ZNF683: variants seen among roughly 807,000 people sequenced by gnomAD.
ZNF683 encodes tissue-resident T-cell transcription regulator protein ZNF683.
Under a neutral mutation model 31.4 loss-of-function variants are expected in ZNF683, and 20 were observed. The ratio of observed to expected loss-of-function variants is 0.64; its 90% CI spans 0.45 to 0.93. The LOEUF (loss-of-function observed/expected upper bound fraction) is 0.93. Among genes scored for constraint, ZNF683 ranks in the 40% least tolerant of loss-of-function variants. ZNF683 has a pLI of 0.00. For synonymous variants in ZNF683, 264 were observed against 267.6 expected (o/e 0.99, Z 0.13); for missense variants, 621 against 637.2 (o/e 0.97, Z 0.27).
At chr1:26,366,889 C>T (rs973977719) in intron 3 of ZNF683, among the ~76,000 whole-genome samples, 4 of 152,204 alleles carry the variant, frequency 2.6e-5, no homozygotes, top group Non-Finnish European at 4.4e-5. Context: ...ATCTCCTGAC[C>T]TCGTGATGTG....
intron 2 of ZNF683, among the ~76,000 whole-genome samples, 156 bp from the exon 3 acceptor site, chr1:26,367,953 T>C (rs572505844): frequency 1.3e-5 from 2 of 152,122 alleles, no homozygotes; most frequent in Admixed American, 1.3e-4. Context: ...TCTTCCCTCA[T>C]CCAAAGATCT....
At chr1:26,367,944 C>T (rs1040934806) in intron 2 of ZNF683, 147 bp from the exon 3 acceptor site, 2 of 636,314 alleles carry the variant, frequency 3.1e-6, no homozygotes, top group Non-Finnish European at 5.2e-6. Flanking sequence ...AATGGCATCT[C>T]TTCCCTCATC....
intron 1 of ZNF683, 49 bp from the exon 2 acceptor site, chr1:26,368,634 G>A: frequency 6.6e-7 from 1 of 1,521,366 alleles, no homozygotes; most frequent in Non-Finnish European, 8.8e-7. Context: ...CTCCAAATAG[G>A]AGTCTGAGTT....
intron 1 of ZNF683, chr1:26,370,621 C>G: frequency 3.0e-6 from 3 of 983,760 alleles, no homozygotes; most frequent in Non-Finnish European, 3.6e-6. Flanking sequence ...CTTCAGGTCT[C>G]AAAGCAAATA....
At position 26,362,295 on chromosome 1, in the gene ZNF683, C is replaced by T. The variant is rs868184267; in HGVS notation, c.1144-273G>A. The T allele has an allele frequency of 5.1e-6, 5 of 975,842 alleles. No homozygotes were observed. The Middle Eastern group carries it at 1.1e-3, about 212-fold the overall frequency. The allele number at this position is 975,842 out of a possible 1,614,324, so 60.4% of individuals were successfully genotyped here. ...TCATTGGTAACATTGGTTATTAATA[C>T]CTAGCTTCATAGATATGGTGGACTG... is the stretch of plus-strand genomic sequence containing the variant. On this transcript the variant is annotated intron_variant, in intron 5 of 5. Coordinates refer to ENST00000349618, the MANE Select transcript of ZNF683 (RefSeq NM_001114759.3).
At chr1:26,369,342 T>C (rs1030704069) in intron 1 of ZNF683, among the ~76,000 whole-genome samples, 1 of 152,144 alleles carries the variant, frequency 6.6e-6, no homozygotes, top group Non-Finnish European at 1.5e-5. Flanking sequence ...CTGGCTAACA[T>C]GGTGAAACCC....
In ZNF683 at chr1:26,361,996, G is replaced by A; in HGVS notation, c.1170C>T (p.Ser390=). ...GGCGCAGGTGGGTCTTGAGGTTACT[G>A]GAGCTGCTGAAGCGCTTGTGGCACA... ...CSVCHKRFSS[S]SNLKTHLRLH... Residue 390 remains serine, a synonymous_variant, in exon 6 of 6, where the codon TCC becomes TCT. Transcript: ENST00000349618. 1 of 1,613,828 alleles carries A rather than the reference G, an allele frequency of 6.2e-7. No homozygotes were observed. Among genetic ancestry groups the A allele is most frequent in the Non-Finnish European group, 8.5e-7 (1 of 1,179,736 alleles).
intron 3 of ZNF683, among the ~76,000 whole-genome samples, chr1:26,366,123 T>G (rs1265310430): frequency 6.6e-6 from 1 of 151,448 alleles, no homozygotes; most frequent in Non-Finnish European, 1.5e-5. Flanking sequence ...GAGATTGCGG[T>G]GAGCCGAGAT....
Position 26,363,055 on chromosome 1 carries a change from G to GGTGCTT in ZNF683, c.1113_1114insAAGCAC (p.Val371_His372insLysHis). The GGTGCTT allele has an allele frequency of 6.2e-7, 1 of 1,612,216 alleles. No individual in the cohort carries two copies. The highest frequency in any genetic ancestry group is 1.7e-5 in the Admixed American group (1 of 59,740). ...CACTTGTGGGGCCGCTCCCCAGTGT[G>GGTGCTT]CACCAGGTGGTGCTTCTGCAGGTGG... On this transcript the variant is annotated inframe_insertion, in exon 5 of 6. Transcript: ENST00000349618.
At chr1:26,370,822 C>T in intron 1 of ZNF683, 1 of 727,080 alleles carries the variant, frequency 1.4e-6, no homozygotes. Flanking sequence ...GGCAGGCAGG[C>T]TTGGGGGCCC....
upstream of ZNF683, chr1:26,374,254 C>T (rs1278775833): frequency 1.5e-6 from 2 of 1,303,750 alleles, no homozygotes; most frequent in South Asian, 1.2e-5. Context: ...AGTTTCCTCC[C>T]CTCCAAGGCA....
At chr1:26,367,016 G>T (rs1369534352) in intron 3 of ZNF683, among the ~76,000 whole-genome samples, 1 of 152,180 alleles carries the variant, frequency 6.6e-6, no homozygotes, top group Non-Finnish European at 1.5e-5. Context: ...TATAATTCCA[G>T]CACTTTGGGT....
At chr1:26,368,709 C>A in intron 1 of ZNF683, 124 bp from the exon 2 acceptor site, 1 of 1,161,792 alleles carries the variant, frequency 8.6e-7, no homozygotes. Context: ...TTCCTGGACT[C>A]AGTTTCCCTA....
At chr1:26,366,907 C>T (rs1433814304) in intron 3 of ZNF683, among the ~76,000 whole-genome samples, 1 of 152,208 alleles carries the variant, frequency 6.6e-6, no homozygotes, top group Non-Finnish European at 1.5e-5. Flanking sequence ...GTGCCCGCCT[C>T]AGCCTCCCAA....
intron 3 of ZNF683, among the ~76,000 whole-genome samples, chr1:26,366,166 G>A (rs9700955): frequency 0.12 from 18,631 of 151,912 alleles, 1,547 homozygotes; most frequent in Middle Eastern, 0.22. Context: ...GGCAACAAAA[G>A]CGAAACTCTG....
intron 3 of ZNF683, among the ~76,000 whole-genome samples, chr1:26,366,499 G>A (rs1010203563): frequency 2.0e-5 from 3 of 152,050 alleles, no homozygotes; most frequent in Non-Finnish European, 2.9e-5. Flanking sequence ...GGGGGTCATC[G>A]TCACATAAGG....
Position 26,364,580 on chromosome 1 carries a change from G to T in ZNF683, c.966C>A (p.Tyr322Ter), listed in dbSNP as rs544396175. The T allele has an allele frequency of 6.2e-7, 1 of 1,613,978 alleles. No homozygotes were observed. Among genetic ancestry groups the T allele is most frequent in the Admixed American group, 1.7e-5 (1 of 60,022 alleles). ...AGCTCTTGCCACATATGTTGCACTCGTACAGGATTTTGCCATTCTTCTTTT... is the reference window on the plus strand; with the variant it reads ...AGCTCTTGCCACATATGTTGCACTCTTACAGGATTTTGCCATTCTTCTTTT... ...PLKKKNGKIL[Y>*]ECNICGKSFG... Residue 322 changes from tyrosine to a stop codon, truncating the protein, a stop_gained, in exon 4 of 6, where the codon TAC (tyrosine) becomes TAA (stop). Coordinates refer to ENST00000349618, the MANE Select transcript of ZNF683 (RefSeq NM_001114759.3). LOFTEE classifies it high-confidence loss of function.
At chr1:26,364,396 T>C (rs2074462001) in intron 4 of ZNF683, 136 bp downstream of exon 4, 1 of 947,944 alleles carries the variant, frequency 1.1e-6, no homozygotes, top group African/African-American at 1.6e-5. Flanking sequence ...AAATGAACCA[T>C]CCAAGGTCAC....
chr1:26,363,737 GA>G (rs61027154), intron 4 of ZNF683, among the ~76,000 whole-genome samples: 32,588 of 133,704 alleles, frequency 0.24, 4,077 homozygotes, highest in Middle Eastern at 0.35. Flanking sequence ...ACTCCATATG[GA>G]AAAAAAAAAA....
Sources: allele counts gnomAD v4.1 joint callset (sites outside exome capture counted in the v4.1 genomes callset), GRCh38; gene constraint gnomAD v4.1.1; transcripts MANE v1.5; gene names NCBI Gene and HGNC (gene_info 2026-07-23, HGNC 2026-07-21).